Variants in CPEB1 observed in about 807,000 individuals in gnomAD.
The protein encoded by CPEB1 is cytoplasmic polyadenylation element binding protein 1.
CPEB1 carries 7 observed loss-of-function variants against 65.8 expected under a neutral mutation model. The ratio of observed to expected loss-of-function variants is 0.11; its 90% CI spans 0.06 to 0.20. The LOEUF is 0.20. CPEB1 is among the 10% of genes least tolerant of loss of function. The pLI is 1.00. For missense variants in CPEB1, 551 were observed against 712.2 expected (o/e 0.77, Z 2.58); for synonymous variants, 262 against 260.0 (o/e 1.01, Z -0.08).
At chr15:82,588,460 T>C (rs2041974759) in intron 3 of CPEB1, among the ~76,000 whole-genome samples, 5 of 152,214 alleles carry the variant, frequency 3.3e-5, no homozygotes, top group Admixed American at 3.3e-4. Flanking sequence ...TTTCACATCT[T>C]TTTTCAAGTA....
At chr15:82,562,514 T>G (rs572042617) in intron 4 of CPEB1, 14 of 192,422 alleles carry the variant, frequency 7.3e-5, no homozygotes, top group African/African-American at 3.3e-4. Flanking sequence ...CCCAAACATC[T>G]TTCATATATA....
chr15:82,609,388 C>A (rs756751082), intron 3 of CPEB1, among the ~76,000 whole-genome samples: 1 of 151,920 alleles, frequency 6.6e-6, no homozygotes, highest in South Asian at 2.1e-4. Flanking sequence ...GTAGTCCCAG[C>A]TGCTCAAGAG....
intron 4 of CPEB1, 41 bp from the exon 5 acceptor site, chr15:82,558,027 T>C (rs763682626): frequency 7.1e-7 from 1 of 1,410,014 alleles, no homozygotes; most frequent in South Asian, 1.4e-5. Context: ...CTCTTAGTTT[T>C]CTTTGCAGCC....
chr15:82,546,385 G>C (rs374412102), intron 12 of CPEB1, 56 bp downstream of exon 12: 13 of 1,443,516 alleles, frequency 9.0e-6, no homozygotes, highest in Non-Finnish European at 1.2e-5. Flanking sequence ...GTGAACCACC[G>C]CGCCCAGCCA....
At position 82,549,500 on chromosome 15, in the gene CPEB1, C is replaced by T. The variant is rs373961592; in HGVS notation, c.1440G>A (p.Val480=). The change falls in exon 10 of 13, where the codon GTG becomes GTA. Residue 480 remains valine (V), a synonymous_variant. Transcript: ENST00000684509. ...GCTTATCTGTGTCAATCCCGGCATA[C>T]ACCACTCCACCAAATAGGTCGTTCA... is the stretch of plus-strand genomic sequence containing the variant. The part of the protein sequence containing the change: ...AILNDLFGGV[V]YAGIDTDKHK... 7 of 1,614,098 alleles carry T rather than the reference C, an allele frequency of 4.3e-6. No homozygotes were observed. Among genetic ancestry groups the T allele is most frequent in the African/African-American group, 2.7e-5 (2 of 74,922 alleles).
Position 82,557,775 on chromosome 15 carries a change from A to G in CPEB1, c.672T>C (p.His224=), listed in dbSNP as rs960504351. Residue 224 remains histidine (H), a synonymous_variant, in exon 5 of 13, where the codon CAT becomes CAC. Transcript: ENST00000684509. ...DTSGFSSGSD[H]LSDLISSLRI... is the part of the protein sequence containing the mutation. ...AGTTACATACAATCAAATCTGAGAG[A>G]TGATCTGATCCAGAGCTGAAGCCAC... The G allele has an allele frequency of 1.2e-6, 2 of 1,613,844 alleles. No individual in the cohort carries two copies. The highest frequency in any genetic ancestry group is 1.7e-6 in the Non-Finnish European group (2 of 1,179,834).
chr15:82,638,841 G>C (rs1567240105), intron 1 of CPEB1, among the ~76,000 whole-genome samples: 1 of 152,178 alleles, frequency 6.6e-6, no homozygotes, highest in Admixed American at 6.5e-5. Flanking sequence ...AAGGACATTT[G>C]TAAGTGACAC....
intron 10 of CPEB1, chr15:82,548,674 AC>A: frequency 4.4e-6 from 2 of 455,318 alleles, no homozygotes; most frequent in Middle Eastern, 6.5e-4. Flanking sequence ...CACTCTGGAG[AC>A]CTATTAAGAG....
At chr15:82,565,541 C>A (rs2038981545) in intron 4 of CPEB1, among the ~76,000 whole-genome samples, 2 of 152,234 alleles carry the variant, frequency 1.3e-5, no homozygotes. Context: ...GCCACACAAA[C>A]TAAAATCCAG....
At chr15:82,564,467 G>T (rs1373641720) in intron 4 of CPEB1, among the ~76,000 whole-genome samples, 1 of 151,990 alleles carries the variant, frequency 6.6e-6, no homozygotes, top group Non-Finnish European at 1.5e-5. Flanking sequence ...GTGTGTGTGT[G>T]TGTTTTTAGC....
intron 4 of CPEB1, among the ~76,000 whole-genome samples, chr15:82,566,249 A>G: frequency 6.6e-6 from 1 of 152,166 alleles, no homozygotes; most frequent in East Asian, 1.9e-4. Flanking sequence ...TAGCCCCAAG[A>G]CATGATGGTC....
Position 82,556,037 on chromosome 15 carries a change from G to A in CPEB1, c.773C>T (p.Ser258Phe), listed in dbSNP as rs761721227. Residue 258 changes from serine (S) to phenylalanine (F), a missense_variant, in exon 6 of 13, where the codon TCT (serine) becomes TTT (phenylalanine). Ser to Phe is a radical substitution (Grantham distance 155). This residue lies in a region of CPEB1 where 128 missense variants were observed against 129.1 expected (regional missense o/e 0.99). Transcript: ENST00000684509. ...PRDPLKMGVG[S>F]RMDQEQAALA... Reference sequence around the variant, plus strand: ...AGCAGCTTGCTCTTGGTCCATCCGAGACCCTACCCCCATCTTTAAAGGGTC... The same window carrying A: ...AGCAGCTTGCTCTTGGTCCATCCGAAACCCTACCCCCATCTTTAAAGGGTC... 17 of 1,613,406 alleles carry A rather than the reference G, an allele frequency of 1.1e-5. No individual in the cohort carries two copies. In the South Asian group the frequency reaches 1.2e-4, roughly 11 times the overall value.
At chr15:82,629,881 C>T in intron 1 of CPEB1, 1 of 985,418 alleles carries the variant, frequency 1.0e-6, no homozygotes, top group Non-Finnish European at 1.2e-6. Flanking sequence ...AAGGGACAAA[C>T]TTGAGCCTCA....
At chr15:82,646,133 T>A (rs1003103241) in intron 1 of CPEB1, among the ~76,000 whole-genome samples, 1 of 152,174 alleles carries the variant, frequency 6.6e-6, no homozygotes, top group Non-Finnish European at 1.5e-5. Context: ...TTTGAATTTA[T>A]TTTTATTTTT....
At chr15:82,570,980 C>G (rs978995843) in intron 4 of CPEB1, among the ~76,000 whole-genome samples, 15 of 152,170 alleles carry the variant, frequency 9.9e-5, no homozygotes, top group African/African-American at 1.7e-4. Flanking sequence ...TCCCCTCCCC[C>G]ACCTAAAAGT....
intron 5 of CPEB1, chr15:82,557,528 T>C (rs2037433013): frequency 6.5e-6 from 3 of 463,708 alleles, no homozygotes; most frequent in Non-Finnish European, 7.6e-6. Flanking sequence ...AAAATGAGAG[T>C]CCTGAGCTCA....
At position 82,543,530 on chromosome 15, in the gene CPEB1, TC is replaced by T. The variant is rs200487788; in HGVS notation, c.*1061del. On this transcript the variant is annotated 3_prime_UTR_variant, in exon 13 of 13. Coordinates refer to ENST00000684509, the MANE Select transcript of CPEB1 (RefSeq NM_001365242.1). Reference sequence around the variant, plus strand: ...TTTTCAAATTCCAGTGGCATTTCAGTCAACTGCAACTGTTATCTCATACATT... The same window carrying T: ...TTTTCAAATTCCAGTGGCATTTCAGTAACTGCAACTGTTATCTCATACATT... 0.4 allele frequency: 59,725 copies of T among 149,422 alleles called. 11,953 individuals carry two copies. The highest frequency in any genetic ancestry group is 0.48 in the South Asian group (2,249 of 4,712). 9.3% of individuals were successfully genotyped at this position (149,422 alleles called of 1,614,324 possible). A position where few individuals can be genotyped will look rare whatever the true frequency, so the allele number is the denominator to read the frequency against.
chr15:82,553,412 T>C, intron 8 of CPEB1, 55 bp downstream of exon 8: 9 of 1,365,994 alleles, frequency 6.6e-6, no homozygotes, highest in Non-Finnish European at 8.4e-6. Context: ...AGTTATGTAC[T>C]AGGGAAGGGA....
intron 6 of CPEB1, among the ~76,000 whole-genome samples, chr15:82,555,144 T>A (rs2036969232): frequency 6.6e-6 from 1 of 152,196 alleles, no homozygotes; most frequent in Admixed American, 6.5e-5. Context: ...TAGACAAAGA[T>A]GAAAAACACA....
Sources: allele counts gnomAD v4.1 joint callset (sites outside exome capture counted in the v4.1 genomes callset), GRCh38; gene constraint gnomAD v4.1.1; regional missense constraint gnomAD v4.1.1; transcripts MANE v1.5; gene names NCBI Gene and HGNC (gene_info 2026-07-23, HGNC 2026-07-21).